The following ERG variants were observed in gnomAD, a reference collection of about 807,000 sequenced individuals.
ERG encodes the protein ETS transcription factor ERG, also known as transcriptional regulator ERG.
Under a neutral mutation model 55.3 loss-of-function variants are expected in ERG, and 9 were observed. That is an observed-to-expected ratio of 0.16 (90% CI 0.10 to 0.28). The LOEUF is 0.28. ERG is among the 10% of genes least tolerant of loss of function. ERG has a pLI of 1.00. For synonymous variants in ERG, 223 were observed against 237.3 expected (o/e 0.94, Z 0.55); for missense variants, 434 against 631.6 (o/e 0.69, Z 3.35).
intron 1 of ERG, among the ~76,000 whole-genome samples, chr21:38,608,753 G>T (rs1232831048): frequency 6.6e-6 from 1 of 152,074 alleles, no homozygotes; most frequent in Non-Finnish European, 1.5e-5. Flanking sequence ...GAACCAGTGG[G>T]GTGGGAGCAA....
intron 3 of ERG, among the ~76,000 whole-genome samples, chr21:38,417,823 A>C (rs1298419366): frequency 6.6e-6 from 1 of 152,102 alleles, no homozygotes; most frequent in Admixed American, 6.6e-5. Flanking sequence ...AATAATAAAA[A>C]AACAGAAAAA....
chr21:38,624,092 G>A (rs1056625586), intron 1 of ERG, among the ~76,000 whole-genome samples: 7 of 152,038 alleles, frequency 4.6e-5, no homozygotes, highest in South Asian at 2.1e-4. Flanking sequence ...AAACCTCCTC[G>A]TGAGCCTAAC....
downstream of ERG, among the ~76,000 whole-genome samples, chr21:38,379,033 G>T (rs2146402536): frequency 6.6e-6 from 1 of 152,272 alleles, no homozygotes; most frequent in South Asian, 2.1e-4. Context: ...TCTCATTGCT[G>T]TCATCTCCAA....
At chr21:38,516,156 T>C (rs1427054287) in intron 2 of ERG, among the ~76,000 whole-genome samples, 1 of 151,902 alleles carries the variant, frequency 6.6e-6, no homozygotes, top group Non-Finnish European at 1.5e-5. Flanking sequence ...GAGAAAGCAA[T>C]AAAGGTCATC....
intron 2 of ERG, among the ~76,000 whole-genome samples, chr21:38,575,381 A>G (rs1030710423): frequency 1.3e-5 from 2 of 152,214 alleles, no homozygotes; most frequent in African/African-American, 4.8e-5. Context: ...CTGTGCCATT[A>G]TGGAGTGAAG....
chr21:38,596,056 TGGGG>T (rs34886564), intron 1 of ERG, among the ~76,000 whole-genome samples: 1 of 102,096 alleles, frequency 9.8e-6, no homozygotes, highest in Non-Finnish European at 2.1e-5. Flanking sequence ...GGTGTGGGAT[TGGGG>T]GGGGGGGGTC....
In ERG at chr21:38,609,723, T is replaced by C. The variant is rs530119697; in HGVS notation, c.-149-24778A>G. On this transcript the variant is annotated intron_variant, in intron 1 of 10. Transcript: ENST00000398910. ...GCATATGTGTGAAATCTGTGCTGTATACAGGCAAAGAGAAAGCAGAGTCAC... is the reference window on the plus strand; with the variant it reads ...GCATATGTGTGAAATCTGTGCTGTACACAGGCAAAGAGAAAGCAGAGTCAC... Among the ~76,000 whole-genome samples, 59 of 152,354 alleles carry C rather than the reference T, an allele frequency of 3.9e-4. 2 individuals carry two copies. The South Asian group carries it at 0.012, about 30-fold the overall frequency.
chr21:38,600,208 T>C (rs1322848926), intron 1 of ERG, among the ~76,000 whole-genome samples: 2 of 151,348 alleles, frequency 1.3e-5, no homozygotes, highest in Admixed American at 6.6e-5. Context: ...TTGGCTACCC[T>C]GGGGCTGGCG....
intron 1 of ERG, among the ~76,000 whole-genome samples, chr21:38,454,115 G>A (rs958168992): frequency 1.3e-5 from 2 of 151,934 alleles, no homozygotes; most frequent in African/African-American, 2.4e-5. Context: ...ACTGTTATAC[G>A]TTACTCACGA....
chr21:38,368,861 T>C, the ERG span, among the ~76,000 whole-genome samples: 1 of 152,258 alleles, frequency 6.6e-6, no homozygotes, highest in South Asian at 2.1e-4. Flanking sequence ...AGTGAGAACA[T>C]ACGGTATTTG....
intron 2 of ERG, among the ~76,000 whole-genome samples, chr21:38,444,841 G>A (rs2058875026): frequency 6.6e-6 from 1 of 152,014 alleles, no homozygotes; most frequent in Non-Finnish European, 1.5e-5. Flanking sequence ...AAGTGGCTTG[G>A]ACATACGCCG....
At chr21:38,453,390 TA>T (rs1174763246) in intron 1 of ERG, among the ~76,000 whole-genome samples, 1 of 152,242 alleles carries the variant, frequency 6.6e-6, no homozygotes, top group African/African-American at 2.4e-5. Context: ...AAATTAGATT[TA>T]AATGAGCCTT....
At chr21:38,432,947 T>C (rs1035953034) in intron 2 of ERG, among the ~76,000 whole-genome samples, 1 of 152,128 alleles carries the variant, frequency 6.6e-6, no homozygotes, top group African/African-American at 2.4e-5. Context: ...AAAGAACATC[T>C]TCAGAGTGGC....
At chr21:38,398,386 A>G (rs1404142142) in intron 6 of ERG, among the ~76,000 whole-genome samples, 1 of 152,208 alleles carries the variant, frequency 6.6e-6, no homozygotes, top group Non-Finnish European at 1.5e-5. Flanking sequence ...TCTGCTTTAA[A>G]TTCTTTACAG....
intron 1 of ERG, among the ~76,000 whole-genome samples, chr21:38,487,146 G>GC (rs1413426802): frequency 5.4e-5 from 1 of 18,390 alleles, no homozygotes; most frequent in South Asian, 2.3e-3. Flanking sequence ...TCACTATCCT[G>GC]GAAAAAAAAA....
At chr21:38,462,902 C>T (rs767070158) in intron 1 of ERG, among the ~76,000 whole-genome samples, 73 of 152,264 alleles carry the variant, frequency 4.8e-4, no homozygotes, top group Non-Finnish European at 9.8e-4. Flanking sequence ...GCCTGTAAAG[C>T]GGACCAGGAA....
chr21:38,400,085 G>A (rs1043418634), intron 6 of ERG: 2 of 312,816 alleles, frequency 6.4e-6, no homozygotes, highest in Admixed American at 9.0e-5. Flanking sequence ...TTGCATGAAT[G>A]GCATGTAAAT....
At chr21:38,535,434 C>T (rs1177027405) in intron 2 of ERG, among the ~76,000 whole-genome samples, 3 of 152,008 alleles carry the variant, frequency 2.0e-5, no homozygotes, top group African/African-American at 7.2e-5. Flanking sequence ...TTGCCACAAC[C>T]AAAAATAAAG....
the ERG span, among the ~76,000 whole-genome samples, chr21:38,373,408 C>T: frequency 9.2e-5 from 14 of 152,162 alleles, no homozygotes; most frequent in African/African-American, 1.7e-4. Context: ...GATGCTGAGA[C>T]GTAAGATCTG....
Sources: allele counts gnomAD v4.1 joint callset (sites outside exome capture counted in the v4.1 genomes callset), GRCh38; gene constraint gnomAD v4.1.1; transcripts MANE v1.5; gene names NCBI Gene and HGNC (gene_info 2026-07-23, HGNC 2026-07-21).